Variants in IL1RAPL1 observed in about 807,000 individuals in gnomAD.
The protein encoded by IL1RAPL1 is interleukin-1 receptor accessory protein-like 1.
In IL1RAPL1, 3 loss-of-function variants were observed where a neutral mutation model predicts 48.4. The observed-to-expected ratio is 0.06, with a 90% CI of 0.03 to 0.16. The LOEUF is 0.16. IL1RAPL1 is among the 10% of genes least tolerant of loss of function. The probability of loss-of-function intolerance (pLI) is 1.00; values close to 1 mark genes in which losing one functional copy is unlikely to be tolerated. For missense variants in IL1RAPL1, 349 were observed against 530.6 expected (o/e 0.66, Z 3.36); for synonymous variants, 185 against 187.7 (o/e 0.99, Z 0.12).
chrX:29,148,763 C>T (rs1399421292), intron 2 of IL1RAPL1, among the ~76,000 whole-genome samples: 1 of 111,625 alleles, frequency 9.0e-6, no homozygotes, highest in Non-Finnish European at 1.9e-5. Flanking sequence ...CAATGGATAA[C>T]TGAGATGTAG....
At chrX:29,018,056 A>G (rs948600282) in intron 2 of IL1RAPL1, among the ~76,000 whole-genome samples, 7 of 111,528 alleles carry the variant, frequency 6.3e-5, no homozygotes, top group Admixed American at 9.5e-5. Flanking sequence ...ACTGAATTTG[A>G]AGCATTTATA....
intron 2 of IL1RAPL1, among the ~76,000 whole-genome samples, chrX:28,938,175 T>A (rs1271288913): frequency 1.8e-5 from 2 of 111,599 alleles, no homozygotes; most frequent in Non-Finnish European, 3.8e-5. Flanking sequence ...AATTTTAAAA[T>A]TCATATGGAA....
intron 5 of IL1RAPL1, among the ~76,000 whole-genome samples, chrX:29,625,431 T>C (rs1011235974): frequency 1.8e-5 from 2 of 111,956 alleles, no homozygotes; most frequent in Non-Finnish European, 3.8e-5. Flanking sequence ...TAACTTAATT[T>C]TTAAAAATTA....
intron 5 of IL1RAPL1, among the ~76,000 whole-genome samples, chrX:29,506,413 CTCTTCT>C (rs1319910571): frequency 3.4e-5 from 3 of 87,302 alleles, no homozygotes; most frequent in Admixed American, 1.4e-4. Flanking sequence ...ATTTGATTTT[CTCTTCT>C]TCTTCTTCTC....
intron 7 of IL1RAPL1, among the ~76,000 whole-genome samples, chrX:29,918,078 C>G (rs1380914321): frequency 2.9e-5 from 2 of 69,481 alleles, no homozygotes; most frequent in Admixed American, 2.0e-4. Flanking sequence ...AGCCAAGATT[C>G]TGCCACTGCA....
intron 5 of IL1RAPL1, among the ~76,000 whole-genome samples, chrX:29,592,453 A>T (rs1923406710): frequency 9.0e-6 from 1 of 111,402 alleles, no homozygotes; most frequent in Admixed American, 9.6e-5. Flanking sequence ...CACAGGAAGA[A>T]TCACAACACT....
intron 6 of IL1RAPL1, among the ~76,000 whole-genome samples, chrX:29,901,026 C>T (rs1932486010): frequency 8.9e-6 from 1 of 112,082 alleles, no homozygotes; most frequent in South Asian, 3.7e-4. Context: ...ACTCAAGTCC[C>T]TTATATGTTG....
intron 5 of IL1RAPL1, among the ~76,000 whole-genome samples, chrX:29,602,875 A>G (rs909759198): frequency 9.0e-6 from 1 of 111,269 alleles, no homozygotes; most frequent in East Asian, 2.8e-4. Context: ...ACTACCCTGA[A>G]TTTGCATATA....
intron 2 of IL1RAPL1, among the ~76,000 whole-genome samples, chrX:28,856,302 A>G (rs1228303332): frequency 8.9e-6 from 1 of 111,882 alleles, no homozygotes; most frequent in African/African-American, 3.3e-5. Flanking sequence ...AGGATAAGTC[A>G]TAAAAATGAG....
At chrX:29,254,687 G>T (rs990682780) in intron 2 of IL1RAPL1, among the ~76,000 whole-genome samples, 1 of 111,797 alleles carries the variant, frequency 8.9e-6, no homozygotes, top group Non-Finnish European at 1.9e-5. Context: ...CAAGACAGGT[G>T]AAATATTCCA....
chrX:29,422,409 GT>G (rs35374312), intron 5 of IL1RAPL1, among the ~76,000 whole-genome samples: 2 of 111,176 alleles, frequency 1.8e-5, no homozygotes, highest in African/African-American at 3.3e-5. Flanking sequence ...TGGGGTATCG[GT>G]TTTTGAACCC....
chrX:29,678,733 C>T (rs2147104568), intron 6 of IL1RAPL1, among the ~76,000 whole-genome samples: 1 of 111,113 alleles, frequency 9.0e-6, no homozygotes. Context: ...TATAAAATCT[C>T]ATTATAACAT....
intron 5 of IL1RAPL1, among the ~76,000 whole-genome samples, chrX:29,642,045 G>A (rs1235382283): frequency 1.8e-5 from 2 of 112,119 alleles, no homozygotes; most frequent in Non-Finnish European, 3.8e-5. Flanking sequence ...TAAAGAAAAG[G>A]CATTTCCTAC....
At chrX:28,836,336 T>TTATTTATA (rs1231420549) in intron 2 of IL1RAPL1, among the ~76,000 whole-genome samples, 10 of 85,317 alleles carry the variant, frequency 1.2e-4, no homozygotes, top group African/African-American at 4.7e-4. Context: ...CTTCCCAATT[T>TTATTTATA]TATATATATA....
Position 28,892,913 on chromosome X carries a change from G to A in IL1RAPL1, c.82+103488G>A, listed in dbSNP as rs1251785156. On this transcript the variant is annotated intron_variant, in intron 2 of 10. Transcript: ENST00000378993. Reference sequence around the variant, plus strand: ...AGGCCTAAGAATTGGGAGGACCTAGGACGTTTAATTAGAGAATGCCTAAGG... The same window carrying A: ...AGGCCTAAGAATTGGGAGGACCTAGAACGTTTAATTAGAGAATGCCTAAGG... Among the ~76,000 whole-genome samples the A allele has an allele frequency of 5.4e-5, 6 of 111,745 alleles. No homozygotes were observed. The East Asian group carries it at 1.7e-3, about 32-fold the overall frequency.
At chrX:29,761,294 C>T (rs1372474155) in intron 6 of IL1RAPL1, among the ~76,000 whole-genome samples, 1 of 111,045 alleles carries the variant, frequency 9.0e-6, no homozygotes, top group African/African-American at 3.3e-5. Flanking sequence ...AATCCAGTAC[C>T]TATTATACAA....
chrX:28,613,224 T>C (rs958284856), intron 1 of IL1RAPL1, among the ~76,000 whole-genome samples: 1 of 112,543 alleles, frequency 8.9e-6, no homozygotes, highest in African/African-American at 3.2e-5. Context: ...TTCTGTTAAT[T>C]AGTGGCTGAG....
At chrX:29,899,911 A>C (rs1932465180) in intron 6 of IL1RAPL1, among the ~76,000 whole-genome samples, 1 of 111,890 alleles carries the variant, frequency 8.9e-6, no homozygotes, top group African/African-American at 3.2e-5. Context: ...CTTCCTGATT[A>C]ACTCAGCACA....
At chrX:29,764,750 T>C (rs2147147141) in intron 6 of IL1RAPL1, among the ~76,000 whole-genome samples, 1 of 112,322 alleles carries the variant, frequency 8.9e-6, no homozygotes, top group South Asian at 3.7e-4. Flanking sequence ...TCTTGGCAGG[T>C]AGGCCCCTGC....
Sources: gnomAD v4.1 joint callset for allele counts (sites outside exome capture counted in the v4.1 genomes callset) on GRCh38, gnomAD v4.1.1 for gene constraint, MANE v1.5 for transcripts, NCBI Gene and HGNC (gene_info 2026-07-23, HGNC 2026-07-21) for gene names.